Variants in PDXDC1 observed in about 807,000 individuals in gnomAD.
PDXDC1 encodes pyridoxal dependent decarboxylase domain containing 1.
Under a neutral mutation model 100.1 loss-of-function variants are expected in PDXDC1, and 42 were observed. That is an observed-to-expected ratio of 0.42 (90% CI 0.33 to 0.54). PDXDC1 has a LOEUF of 0.54. Ranked by LOEUF, PDXDC1 falls within the 20% of genes least tolerant of loss-of-function variation. The pLI is 0.10. For synonymous variants in PDXDC1, 260 were observed against 371.7 expected, an observed-to-expected ratio of 0.70 and a Z score of 3.46; for missense variants, 636 against 979.2, an observed-to-expected ratio of 0.65 and a Z score of 4.68.
chr16:15,129,882 C>G (rs1225929267), intron 16 of PDXDC1: 2 of 762,082 alleles, frequency 2.6e-6, no homozygotes, highest in East Asian at 5.3e-5. Flanking sequence ...CGCCCCTCAC[C>G]TGAGCCCCGG....
chr16:15,041,823 C>T (rs2043828386), downstream of PDXDC1: 4 of 691,436 alleles, frequency 5.8e-6, no homozygotes, highest in South Asian at 1.4e-5. Flanking sequence ...ACAGCCTGGC[C>T]TATGGGGCCA....
the PDXDC1 span, among the ~76,000 whole-genome samples, chr16:15,147,922 T>G: frequency 6.6e-6 from 1 of 152,114 alleles, no homozygotes. Context: ...CCTGACCTTG[T>G]GATCCCCCCA....
At chr16:15,013,576 T>C (rs1365912608) in intron 8 of PDXDC1, among the ~76,000 whole-genome samples, 3 of 152,260 alleles carry the variant, frequency 2.0e-5, no homozygotes, top group Non-Finnish European at 1.5e-5. Context: ...TTTTGTTGCA[T>C]GTAAATCATA....
chr16:15,040,266 C>T (rs567036399), downstream of PDXDC1: 7 of 432,922 alleles, frequency 1.6e-5, no homozygotes, highest in South Asian at 5.7e-5. Context: ...CGCTGAGGCT[C>T]GAGCTGGACT....
chr16:15,117,451 G>A (rs1262827237), intron 16 of PDXDC1, among the ~76,000 whole-genome samples: 1 of 149,478 alleles, frequency 6.7e-6, no homozygotes, highest in Non-Finnish European at 1.5e-5. Context: ...GAGGTCAAGA[G>A]ATGGAGACTA....
intron 16 of PDXDC1, among the ~76,000 whole-genome samples, chr16:15,059,630 C>G (rs539474271): frequency 1.3e-5 from 2 of 152,166 alleles, no homozygotes; most frequent in Non-Finnish European, 2.9e-5. Flanking sequence ...CCAGAGCACA[C>G]AGACAAAAGG....
At chr16:15,140,244 A>G (rs2048447144), downstream of PDXDC1, among the ~76,000 whole-genome samples, 1 of 151,592 alleles carries the variant, frequency 6.6e-6, no homozygotes, top group Non-Finnish European at 1.5e-5. Flanking sequence ...CAGGAGTTCA[A>G]GACCAGACTG....
At chr16:15,104,961 G>A (rs2046741525) in intron 16 of PDXDC1, among the ~76,000 whole-genome samples, 1 of 151,832 alleles carries the variant, frequency 6.6e-6, no homozygotes, top group Non-Finnish European at 1.5e-5. Context: ...AAAGTCACTG[G>A]GACACACTGT....
chr16:15,063,097 G>A (rs559382329), intron 16 of PDXDC1: 43 of 897,258 alleles, frequency 4.8e-5, no homozygotes, highest in East Asian at 9.7e-5. Flanking sequence ...CCTAAAGTGC[G>A]GGGATTACAC....
intron 16 of PDXDC1, chr16:15,080,248 C>T (rs1389199800): frequency 1.8e-6 from 2 of 1,102,616 alleles, no homozygotes; most frequent in African/African-American, 3.2e-5. Flanking sequence ...ACTGTTTCTA[C>T]ATGTATTATG....
At chr16:15,147,818 A>T in the PDXDC1 span, among the ~76,000 whole-genome samples, 1 of 151,874 alleles carries the variant, frequency 6.6e-6, no homozygotes, top group Non-Finnish European at 1.5e-5. Flanking sequence ...CCTCCTAATT[A>T]GCTGGGATTA....
chr16:15,075,773 G>T (rs2045427074), intron 16 of PDXDC1, among the ~76,000 whole-genome samples: 1 of 152,074 alleles, frequency 6.6e-6, no homozygotes, highest in African/African-American at 2.4e-5. Flanking sequence ...CTCTGCTCCT[G>T]GTGCCCACCA....
At chr16:15,071,246 G>A (rs73491931) in intron 16 of PDXDC1, 57,991 of 1,606,908 alleles carry the variant, frequency 0.036, 1,459 homozygotes, top group African/African-American at 0.12. Context: ...ATGCCTCTGC[G>A]AATCCCTATA....
At chr16:15,005,029 G>C (rs1275587487) in intron 5 of PDXDC1, among the ~76,000 whole-genome samples, 2 of 152,282 alleles carry the variant, frequency 1.3e-5, no homozygotes, top group Non-Finnish European at 2.9e-5. Flanking sequence ...AGGGCCAGCT[G>C]TGCTTTGAAA....
chr16:15,057,075 A>G (rs2044552416), intron 16 of PDXDC1, among the ~76,000 whole-genome samples: 1 of 152,214 alleles, frequency 6.6e-6, no homozygotes, highest in Admixed American at 6.5e-5. Context: ...TAATTTTACA[A>G]AAGATACAGA....
intron 16 of PDXDC1, among the ~76,000 whole-genome samples, chr16:15,056,844 C>A (rs1194652167): frequency 6.6e-6 from 1 of 152,058 alleles, no homozygotes; most frequent in Non-Finnish European, 1.5e-5. Flanking sequence ...GCTAGCCCCA[C>A]GTACTAAAGA....
chr16:15,017,688 C>A (rs892256223), intron 11 of PDXDC1, among the ~76,000 whole-genome samples: 1 of 152,182 alleles, frequency 6.6e-6, no homozygotes, highest in Non-Finnish European at 1.5e-5. Context: ...CAGTGAACGT[C>A]TTTCTGTGTT....
intron 16 of PDXDC1, among the ~76,000 whole-genome samples, chr16:15,090,973 G>C (rs1260861988): frequency 1.3e-5 from 2 of 150,696 alleles, no homozygotes; most frequent in Admixed American, 1.3e-4. Context: ...GGAAGCATTA[G>C]AGCAGGGTTT....
At chr16:15,046,980 C>A (rs1034218259) in intron 16 of PDXDC1, among the ~76,000 whole-genome samples, 2 of 152,182 alleles carry the variant, frequency 1.3e-5, no homozygotes, top group Admixed American at 6.5e-5. Context: ...CCACCCAACA[C>A]CCCATCTTGT....
Sources: allele counts gnomAD v4.1 joint callset (sites outside exome capture counted in the v4.1 genomes callset), GRCh38; gene constraint gnomAD v4.1.1; transcripts MANE v1.5; gene names NCBI Gene and HGNC (gene_info 2026-07-23, HGNC 2026-07-21).